The following INVS variants were observed in gnomAD, a reference collection of about 807,000 sequenced individuals.
INVS encodes the protein inversion of embryo turning homolog.
A neutral mutation model predicts 108.8 loss-of-function variants in INVS; 86 were observed. The ratio of observed to expected loss-of-function variants is 0.79; its 90% CI spans 0.66 to 0.95. The LOEUF (loss-of-function observed/expected upper bound fraction) is 0.95. INVS is among the 40% of genes least tolerant of loss of function. The pLI is 0.00. For synonymous variants in INVS, 455 were observed against 473.5 expected (o/e 0.96, Z 0.51); for missense variants, 1,169 against 1,297.4 (o/e 0.90, Z 1.52).
intron 3 of INVS, among the ~76,000 whole-genome samples, chr9:100,161,613 AGATGGATG>A (rs553912870): frequency 6.6e-6 from 1 of 151,640 alleles, no homozygotes; most frequent in Non-Finnish European, 1.5e-5. Context: ...GTGGCTGGCC[AGATGGATG>A]GATGGATGGA....
intron 3 of INVS, among the ~76,000 whole-genome samples, chr9:100,220,974 CAA>C (rs59090085): frequency 1.4e-5 from 2 of 140,914 alleles, no homozygotes; most frequent in East Asian, 2.2e-4. Context: ...GACTCTGTCC[CAA>C]AAAAAAAAAA....
chr9:100,133,624 A>G (rs1828120296), intron 3 of INVS, among the ~76,000 whole-genome samples: 1 of 152,156 alleles, frequency 6.6e-6, no homozygotes, highest in Admixed American at 6.5e-5. Flanking sequence ...GACCAGTGGA[A>G]TGTATAAAGT....
chr9:100,154,088 C>T (rs58948789), intron 3 of INVS, among the ~76,000 whole-genome samples: 31,931 of 152,022 alleles, frequency 0.21, 5,707 homozygotes, highest in African/African-American at 0.49. Flanking sequence ...GTGGTAAAAA[C>T]AAGAAATGTA....
chr9:100,253,367 T>C (rs1354310533), intron 10 of INVS, among the ~76,000 whole-genome samples: 1 of 152,158 alleles, frequency 6.6e-6, no homozygotes, highest in Non-Finnish European at 1.5e-5. Flanking sequence ...TATAAAAGAT[T>C]ACATGGCATA....
intron 3 of INVS, among the ~76,000 whole-genome samples, chr9:100,218,979 T>C (rs1831065470): frequency 6.6e-6 from 1 of 151,740 alleles, no homozygotes; most frequent in African/African-American, 2.4e-5. Context: ...AGCAAACAAA[T>C]GAAAAACAAA....
In INVS at chr9:100,253,037, AG is replaced by A. The variant is rs1564177022; in HGVS notation, c.1367del (p.Gly456GlufsTer54). The A allele has an allele frequency of 3.1e-6, 5 of 1,614,084 alleles. No individual in the cohort carries two copies. The highest frequency in any genetic ancestry group is 4.2e-6 in the Non-Finnish European group (5 of 1,179,918). Reference protein sequence around the residue: ...KINPNVQDYAGRTPLQCAAYG... With the variant: ...KINPNVQDYAXRTPLQCAAYG... The stretch of plus-strand genomic sequence containing the variant: ...TCAATCCAAATGTCCAGGATTATGC[AG>A]GAAGAACCCCTTTGCAGTGTGCAGC... On this transcript the variant is annotated frameshift_variant, in exon 10 of 17. Transcript: ENST00000262457. LOFTEE classifies it high-confidence loss of function.
intron 3 of INVS, among the ~76,000 whole-genome samples, chr9:100,137,452 T>C (rs370742468): frequency 2.5e-4 from 38 of 152,244 alleles, no homozygotes; most frequent in African/African-American, 8.4e-4. Flanking sequence ...ACCTTGTTAT[T>C]TTCTGGTGCT....
At chr9:100,200,984 G>A (rs1326354042) in intron 3 of INVS, among the ~76,000 whole-genome samples, 2 of 152,212 alleles carry the variant, frequency 1.3e-5, no homozygotes, top group South Asian at 2.1e-4. Context: ...AATAGTCAAT[G>A]AGCACTTTCC....
In INVS at chr9:100,284,617, C is replaced by G. The variant is rs775757268; in HGVS notation, c.2068+14C>G. On this transcript the variant is annotated intron_variant, in intron 13 of 16. Coordinates refer to ENST00000262457, the MANE Select transcript of INVS (RefSeq NM_014425.5). ...GAAGGCCAAATGGTAGGTGTATTGC[C>G]TTTGTCATCTTCTGCCGGCCCATGG... 6.2e-7 allele frequency: 1 copy of G among 1,611,086 alleles called. No individual in the cohort carries two copies. The highest frequency in any genetic ancestry group is 1.3e-5 in the African/African-American group (1 of 74,874).
chr9:100,157,405 C>G (rs1473459111), intron 3 of INVS, among the ~76,000 whole-genome samples: 1 of 151,772 alleles, frequency 6.6e-6, no homozygotes, highest in Non-Finnish European at 1.5e-5. Flanking sequence ...GCTGGGACTA[C>G]AGGCGCCTGC....
intron 3 of INVS, among the ~76,000 whole-genome samples, chr9:100,181,304 A>G (rs1366586438): frequency 6.6e-6 from 1 of 152,202 alleles, no homozygotes; most frequent in Non-Finnish European, 1.5e-5. Context: ...AAGGGTATTC[A>G]AATAGGAAGA....
chr9:100,139,509 C>T (rs1828351769), intron 3 of INVS, among the ~76,000 whole-genome samples: 1 of 152,248 alleles, frequency 6.6e-6, no homozygotes, highest in Admixed American at 6.5e-5. Flanking sequence ...CTAGAAATCT[C>T]TACCTGGATA....
chr9:100,160,417 T>C (rs1829133415), intron 3 of INVS, among the ~76,000 whole-genome samples: 1 of 152,240 alleles, frequency 6.6e-6, no homozygotes, highest in South Asian at 2.1e-4. Context: ...GATGTCTAAT[T>C]GACTGTCTTC....
chr9:100,272,300 T>C (rs759012605), intron 11 of INVS, among the ~76,000 whole-genome samples: 2 of 152,244 alleles, frequency 1.3e-5, no homozygotes, highest in Non-Finnish European at 2.9e-5. Context: ...TATCCAGAAT[T>C]TATTTTGGTA....
intron 3 of INVS, among the ~76,000 whole-genome samples, chr9:100,191,320 T>C (rs1436074503): frequency 6.6e-6 from 1 of 152,218 alleles, no homozygotes; most frequent in Non-Finnish European, 1.5e-5. Flanking sequence ...CTAGTGATTC[T>C]TTGGTTTGGC....
chr9:100,223,255 G>A (rs997388694), intron 3 of INVS, among the ~76,000 whole-genome samples: 9 of 151,656 alleles, frequency 5.9e-5, no homozygotes, highest in African/African-American at 1.7e-4. Flanking sequence ...CACCATGCCC[G>A]GCTGATTTTT....
intron 2 of INVS, 87 bp downstream of exon 2, chr9:100,104,714 AC>A: frequency 3.6e-6 from 3 of 834,638 alleles, no homozygotes; most frequent in Non-Finnish European, 6.2e-6. Context: ...TTTGCAATGT[AC>A]TCATACATTT....
chr9:100,102,371 C>T (rs1827023396), intron 1 of INVS, among the ~76,000 whole-genome samples: 2 of 152,148 alleles, frequency 1.3e-5, no homozygotes, highest in Admixed American at 6.5e-5. Flanking sequence ...CATGAGACTA[C>T]CGGTCAGAAC....
intron 11 of INVS, 105 bp from the exon 12 acceptor site, chr9:100,272,759 C>A: frequency 9.2e-7 from 1 of 1,084,158 alleles, no homozygotes; most frequent in Non-Finnish European, 1.4e-6. Flanking sequence ...TATTCCACAT[C>A]TTAGAATGAA....
Sources: allele counts gnomAD v4.1 joint callset (sites outside exome capture counted in the v4.1 genomes callset), GRCh38; gene constraint gnomAD v4.1.1; transcripts MANE v1.5; gene names NCBI Gene and HGNC (gene_info 2026-07-23, HGNC 2026-07-21).